CALCRL: variants seen among roughly 807,000 people sequenced by gnomAD.
CALCRL encodes calcitonin receptor like receptor.
Under a neutral mutation model 60.4 loss-of-function variants are expected in CALCRL, and 27 were observed. That is an observed-to-expected ratio of 0.45 (90% CI 0.33 to 0.62). CALCRL has a LOEUF of 0.62. Among genes scored for constraint, CALCRL ranks in the 20% least tolerant of loss-of-function variants. The pLI is 0.03. For synonymous variants in CALCRL, 190 were observed against 182.6 expected, an observed-to-expected ratio of 1.04 and a Z score of -0.33; for missense variants, 424 against 540.7, an observed-to-expected ratio of 0.78 and a Z score of 2.14.
intron 1 of CALCRL, among the ~76,000 whole-genome samples, chr2:187,409,539 T>C (rs1234686392): frequency 6.6e-6 from 1 of 152,232 alleles, no homozygotes; most frequent in Non-Finnish European, 1.5e-5. Flanking sequence ...CTTGGAAAAG[T>C]TTAACTTTAT....
intron 8 of CALCRL, among the ~76,000 whole-genome samples, chr2:187,366,734 C>A (rs1687310777): frequency 6.6e-6 from 1 of 151,912 alleles, no homozygotes; most frequent in Non-Finnish European, 1.5e-5. Context: ...CTCTTGTATA[C>A]AGTTAAAGGT....
Position 187,360,759 on chromosome 2 carries a change from GAA to G in CALCRL, c.628-10_628-9del. 1 of 1,456,750 alleles carries G rather than the reference GAA, an allele frequency of 6.9e-7. No homozygotes were observed. 90.2% of individuals were successfully genotyped at this position (1,456,750 alleles called of 1,614,324 possible). A position where few individuals can be genotyped will look rare whatever the true frequency, so the allele number is the denominator to read the frequency against. On this transcript the variant is annotated splice_polypyrimidine_tract_variant and intron_variant, in intron 9 of 14. Coordinates refer to ENST00000392370, the MANE Select transcript of CALCRL (RefSeq NM_005795.6). ...GGACACTTTGCAACTAACCTGTGAG[GAA>G]AAAAAAAACCCCAATATTTACTTGT...
intron 1 of CALCRL, 69 bp downstream of exon 1, chr2:187,447,970 T>C (rs1691271210): frequency 2.0e-5 from 3 of 152,120 alleles, no homozygotes; most frequent in African/African-American, 7.2e-5. Context: ...AATTCTATAA[T>C]AGAAACATTG....
intron 1 of CALCRL, chr2:187,442,179 T>C: frequency 6.7e-6 from 1 of 149,074 alleles, no homozygotes; most frequent in South Asian, 2.1e-4. Context: ...CACACATATA[T>C]GTGTGTATAT....
Position 187,344,301 on chromosome 2 carries a change from T to G in CALCRL, c.*1883A>C, listed in dbSNP as rs557739582. ...AATGTACTGACCAGACCATTCTATA[T>G]GTTAATTCTTACGAATTTAGATAAT... On this transcript the variant is annotated 3_prime_UTR_variant, in exon 15 of 15. Coordinates refer to ENST00000392370, the MANE Select transcript of CALCRL (RefSeq NM_005795.6). The G allele has an allele frequency of 3.3e-5, 5 of 151,796 alleles. No homozygotes were observed. In the South Asian group the frequency reaches 1.0e-3, roughly 31 times the overall value. 9.4% of individuals were successfully genotyped at this position (151,796 alleles called of 1,614,324 possible).
chr2:187,403,825 T>C (rs78492626), intron 1 of CALCRL, among the ~76,000 whole-genome samples: 136 of 151,976 alleles, frequency 8.9e-4, no homozygotes, highest in African/African-American at 2.9e-3. Context: ...AGCTTATTTT[T>C]AATCATTTAC....
At chr2:187,442,613 A>C (rs2105912705) in intron 1 of CALCRL, among the ~76,000 whole-genome samples, 1 of 151,998 alleles carries the variant, frequency 6.6e-6, no homozygotes, top group East Asian at 1.9e-4. Context: ...CTTTAAAAAA[A>C]ATGGTCAAAA....
intron 8 of CALCRL, among the ~76,000 whole-genome samples, chr2:187,370,585 G>A (rs1042842324): frequency 1.3e-5 from 2 of 151,998 alleles, no homozygotes; most frequent in African/African-American, 2.4e-5. Context: ...ATTTAATGTG[G>A]ATTTATAGCT....
intron 1 of CALCRL, among the ~76,000 whole-genome samples, chr2:187,434,110 T>G (rs1690527376): frequency 6.6e-6 from 1 of 152,116 alleles, no homozygotes; most frequent in Non-Finnish European, 1.5e-5. Flanking sequence ...GATAAAGTTT[T>G]TGAATAAAGA....
intron 1 of CALCRL, among the ~76,000 whole-genome samples, chr2:187,390,456 CA>C (rs546881177): frequency 1.1e-4 from 16 of 152,046 alleles, no homozygotes; most frequent in African/African-American, 3.4e-4. Context: ...TATTGAGGGG[CA>C]AAGTGCTTCA....
At chr2:187,424,468 A>C (rs1306781964) in intron 1 of CALCRL, among the ~76,000 whole-genome samples, 12 of 152,038 alleles carry the variant, frequency 7.9e-5, no homozygotes. Context: ...GTTCACTTTA[A>C]CAAAAATCAA....
At chr2:187,420,664 A>G (rs1229705876) in intron 1 of CALCRL, among the ~76,000 whole-genome samples, 7 of 152,196 alleles carry the variant, frequency 4.6e-5, no homozygotes. Flanking sequence ...GAGTGAAAAA[A>G]TAATAATTTT....
intron 1 of CALCRL, among the ~76,000 whole-genome samples, chr2:187,391,470 A>T (rs1343444485): frequency 6.6e-6 from 1 of 152,092 alleles, no homozygotes; most frequent in African/African-American, 2.4e-5. Context: ...GAATTTTTCC[A>T]TATGTTCCAA....
chr2:187,448,222 C>G lies in CALCRL; in HGVS notation c.-476G>C, dbSNP rs909078307. The G allele has an allele frequency of 2.0e-5, 3 of 152,050 alleles. No homozygotes were observed. The highest frequency in any genetic ancestry group is 2.9e-5 in the Non-Finnish European group (2 of 68,022). The allele number at this position is 152,050 out of a possible 1,614,324, so 9.4% of individuals were successfully genotyped here. A position where few individuals can be genotyped will look rare whatever the true frequency, so the allele number is the denominator to read the frequency against. On this transcript the variant is annotated 5_prime_UTR_variant, in exon 1 of 15. Coordinates refer to ENST00000392370, the MANE Select transcript of CALCRL (RefSeq NM_005795.6). ...TTGATGGTCCTAAAGCAGGAGGTGACACTCTCTGCTGGAGAGAGAGAGGTT... is the reference window on the plus strand; with the variant it reads ...TTGATGGTCCTAAAGCAGGAGGTGAGACTCTCTGCTGGAGAGAGAGAGGTT...
intron 1 of CALCRL, among the ~76,000 whole-genome samples, chr2:187,416,003 C>T (rs1440106180): frequency 6.6e-6 from 1 of 152,066 alleles, no homozygotes; most frequent in Non-Finnish European, 1.5e-5. Context: ...GCCTAGGGAG[C>T]CTGACCTCGT....
At position 187,363,380 on chromosome 2, in the gene CALCRL, T is replaced by C. The variant is rs1469204211; in HGVS notation, c.623A>G (p.Asn208Ser). 1.9e-6 allele frequency: 3 copies of C among 1,608,952 alleles called. No homozygotes were observed. Among genetic ancestry groups the C allele is most frequent in the Non-Finnish European group, 2.5e-6 (3 of 1,177,938 alleles). Residue 208 changes from asparagine to serine, a missense_variant, in exon 9 of 15, where the codon AAT becomes AGT. Asn to Ser is a conservative substitution (Grantham distance 46). Transcript: ENST00000392370. The stretch of plus-strand genomic sequence containing the variant: ...GCACAATCTTGGTTTACTTACAGGA[T>C]TTGTGGCTACTAAGGCCTGGTTGTT... Reference protein sequence around the residue: ...VANNQALVATNPVSCKVSQFI... With the variant: ...VANNQALVATSPVSCKVSQFI...
At chr2:187,393,436 A>T (rs1269517716) in intron 1 of CALCRL, among the ~76,000 whole-genome samples, 1 of 152,168 alleles carries the variant, frequency 6.6e-6, no homozygotes, top group Non-Finnish European at 1.5e-5. Flanking sequence ...CAAGCAAAAT[A>T]TTCTGCAGTG....
intron 1 of CALCRL, among the ~76,000 whole-genome samples, chr2:187,425,309 T>C (rs1690072256): frequency 6.6e-6 from 1 of 151,966 alleles, no homozygotes; most frequent in African/African-American, 2.4e-5. Context: ...TATTTGCTAA[T>C]AGTCATGTCA....
intron 1 of CALCRL, among the ~76,000 whole-genome samples, chr2:187,444,800 A>C (rs1291419927): frequency 2.0e-5 from 3 of 151,494 alleles, no homozygotes; most frequent in Non-Finnish European, 4.4e-5. Context: ...AATTAAATTA[A>C]TTTGATTTTA....
Sources: gnomAD v4.1 joint callset for allele counts (sites outside exome capture counted in the v4.1 genomes callset) on GRCh38, gnomAD v4.1.1 for gene constraint, MANE v1.5 for transcripts, NCBI Gene and HGNC (gene_info 2026-07-23, HGNC 2026-07-21) for gene names.